Variants in SLC9A9 observed in about 807,000 individuals in gnomAD.
SLC9A9 encodes sodium/hydrogen exchanger 9.
In SLC9A9, 62 loss-of-function variants were observed where a neutral mutation model predicts 77.8. The observed-to-expected ratio is 0.80, with a 90% CI of 0.65 to 0.98. The LOEUF is 0.98. Ranked by LOEUF, SLC9A9 falls within the 50% of genes least tolerant of loss-of-function variation. The probability of loss-of-function intolerance (pLI) is 0.00; values close to 1 mark genes in which losing one functional copy is unlikely to be tolerated. For synonymous variants in SLC9A9, 320 were observed against 283.5 expected (o/e 1.13, Z -1.29); for missense variants, 775 against 774.9 (o/e 1.00, Z 0.00).
intron 12 of SLC9A9, among the ~76,000 whole-genome samples, chr3:143,444,598 C>A (rs571516275): frequency 7.4e-4 from 112 of 152,270 alleles, no homozygotes; most frequent in African/African-American, 2.6e-3. Flanking sequence ...CTGGTGACTT[C>A]TAATCACATA....
In SLC9A9 at chr3:143,767,492, G is replaced by T. The variant is rs77532516; in HGVS notation, c.533+27509C>A. Among the ~76,000 whole-genome samples the T allele has an allele frequency of 1.9e-3, 288 of 151,672 alleles. 7 individuals are homozygous for T. In the East Asian group the frequency reaches 0.048, roughly 25 times the overall value. ...GGATAGTTCCACGGACAAATGTCTT[G>T]TTAACCTCAACTAGAAAGCTCTCTC... On this transcript the variant is annotated intron_variant, in intron 4 of 15. Coordinates refer to ENST00000316549, the MANE Select transcript of SLC9A9 (RefSeq NM_173653.4).
At chr3:143,448,530 A>C (rs61591068) in intron 12 of SLC9A9, among the ~76,000 whole-genome samples, 72,731 of 151,742 alleles carry the variant, frequency 0.48, 17,973 homozygotes, top group African/African-American at 0.59. Flanking sequence ...TGCAATTATC[A>C]TGGAGTAATA....
At chr3:143,461,538 T>A (rs2108564669) in intron 12 of SLC9A9, among the ~76,000 whole-genome samples, 1 of 152,278 alleles carries the variant, frequency 6.6e-6, no homozygotes, top group Non-Finnish European at 1.5e-5. Context: ...GAATGCTCAA[T>A]CCTTATAATG....
intron 6 of SLC9A9, among the ~76,000 whole-genome samples, chr3:143,628,994 A>G (rs2038376266): frequency 6.6e-6 from 1 of 152,194 alleles, no homozygotes; most frequent in African/African-American, 2.4e-5. Context: ...AAGGAGCTAC[A>G]CTATCGAAAT....
At chr3:143,471,811 G>A (rs1245802356) in intron 11 of SLC9A9, among the ~76,000 whole-genome samples, 1 of 152,148 alleles carries the variant, frequency 6.6e-6, no homozygotes, top group Non-Finnish European at 1.5e-5. Context: ...GGGGAATAAA[G>A]GAATTACCTG....
chr3:143,776,705 C>T (rs2007702856), intron 4 of SLC9A9, among the ~76,000 whole-genome samples: 1 of 151,848 alleles, frequency 6.6e-6, no homozygotes, highest in African/African-American at 2.4e-5. Flanking sequence ...ATTTAAAAAT[C>T]AAGGAAACTC....
intron 5 of SLC9A9, among the ~76,000 whole-genome samples, chr3:143,680,934 G>A (rs1933069676): frequency 6.6e-6 from 1 of 152,136 alleles, no homozygotes; most frequent in Non-Finnish European, 1.5e-5. Flanking sequence ...GATATCAGAG[G>A]AGGGGCAGAA....
intron 14 of SLC9A9, among the ~76,000 whole-genome samples, chr3:143,358,512 T>C (rs1396317635): frequency 6.6e-6 from 1 of 152,196 alleles, no homozygotes; most frequent in Non-Finnish European, 1.5e-5. Flanking sequence ...GTCATTCTTA[T>C]CCTGTGTCAT....
chr3:143,410,101 C>T (rs1235637657), intron 12 of SLC9A9, among the ~76,000 whole-genome samples: 1 of 152,140 alleles, frequency 6.6e-6, no homozygotes, highest in Non-Finnish European at 1.5e-5. Context: ...ACTCCCTGTC[C>T]CAATCTCCTA....
At chr3:143,669,268 A>G (rs551171785) in intron 5 of SLC9A9, among the ~76,000 whole-genome samples, 42 of 152,342 alleles carry the variant, frequency 2.8e-4, no homozygotes, top group Admixed American at 9.8e-4. Context: ...TCTTTAACAC[A>G]TAAATGGAAT....
intron 5 of SLC9A9, among the ~76,000 whole-genome samples, chr3:143,654,107 T>C (rs1323869245): frequency 1.3e-5 from 2 of 152,210 alleles, no homozygotes; most frequent in Non-Finnish European, 2.9e-5. Flanking sequence ...TATTGTACAC[T>C]TGAAAATTGC....
chr3:143,502,473 A>T (rs1576539675), intron 9 of SLC9A9, among the ~76,000 whole-genome samples: 1 of 94,326 alleles, frequency 1.1e-5, no homozygotes, highest in South Asian at 3.1e-4. Context: ...ACTAGAAAGT[A>T]AAAAAAAAGT....
In SLC9A9 at chr3:143,773,218, A is replaced by T. The variant is rs6806046; in HGVS notation, c.533+21783T>A. On this transcript the variant is annotated intron_variant, in intron 4 of 15. Transcript: ENST00000316549. ...AAAAGCCCTGATTTGTAGCATTTGT[A>T]AATGTCCATGGAGTAAGTACTCACA... Among the ~76,000 whole-genome samples, 1,375 of 152,244 alleles carry T rather than the reference A, an allele frequency of 9.0e-3. 17 individuals are homozygous for T. Among genetic ancestry groups the T allele is most frequent in the African/African-American group, 0.031 (1,296 of 41,548 alleles).
intron 2 of SLC9A9, among the ~76,000 whole-genome samples, chr3:143,815,292 A>G (rs6763660): frequency 0.2 from 30,374 of 152,078 alleles, 6,940 homozygotes; most frequent in African/African-American, 0.56. Flanking sequence ...GGTGTTTACC[A>G]AAGAGCCCTT....
intron 14 of SLC9A9, among the ~76,000 whole-genome samples, chr3:143,351,271 T>C (rs73144723): frequency 0.065 from 9,944 of 152,284 alleles, 447 homozygotes; most frequent in Non-Finnish European, 0.1. Flanking sequence ...ACTAAATTGC[T>C]TGTGAGAACC....
chr3:143,309,750 T>C (rs1319192001), intron 14 of SLC9A9, among the ~76,000 whole-genome samples: 1 of 152,222 alleles, frequency 6.6e-6, no homozygotes, highest in African/African-American at 2.4e-5. Context: ...GGAAGAAATG[T>C]TCTCAGCAAT....
At chr3:143,495,240 A>T in intron 10 of SLC9A9, 95 bp downstream of exon 10, 1 of 1,086,882 alleles carries the variant, frequency 9.2e-7, no homozygotes, top group Non-Finnish European at 1.4e-6. Context: ...AGTGGACTTT[A>T]GGAAAGTGCT....
At chr3:143,573,936 G>A (rs1002209896) in intron 8 of SLC9A9, 152 bp downstream of exon 8, 26 of 681,040 alleles carry the variant, frequency 3.8e-5, no homozygotes, top group South Asian at 1.4e-4. Context: ...TCTCTCCAGC[G>A]TACCCAAGAG....
chr3:143,816,157 T>C (rs1301461064), intron 2 of SLC9A9, among the ~76,000 whole-genome samples: 1 of 152,212 alleles, frequency 6.6e-6, no homozygotes, highest in African/African-American at 2.4e-5. Flanking sequence ...TATTTATGTA[T>C]TTCATATATG....
Sources: gnomAD v4.1 joint callset for allele counts (sites outside exome capture counted in the v4.1 genomes callset) on GRCh38, gnomAD v4.1.1 for gene constraint, MANE v1.5 for transcripts, NCBI Gene and HGNC (gene_info 2026-07-23, HGNC 2026-07-21) for gene names.